The following DNAJC2 variants were observed in gnomAD, a reference collection of about 807,000 sequenced individuals.
DNAJC2 encodes dnaJ homolog subfamily C member 2.
DNAJC2 carries 32 observed loss-of-function variants against 94.0 expected under a neutral mutation model. The ratio of observed to expected loss-of-function variants is 0.34; its 90% CI spans 0.26 to 0.46. DNAJC2 has a LOEUF of 0.46. Ranked by LOEUF, DNAJC2 falls within the 20% of genes least tolerant of loss-of-function variation. The pLI, the probability that DNAJC2 is intolerant of heterozygous loss-of-function variation, is 1.00. For missense variants in DNAJC2, 550 were observed against 719.5 expected, an observed-to-expected ratio of 0.76 and a Z score of 2.69; for synonymous variants, 210 against 229.7, an observed-to-expected ratio of 0.91 and a Z score of 0.77.
chr7:103,338,994 A>G (rs1819281588), intron 2 of DNAJC2, among the ~76,000 whole-genome samples: 1 of 152,190 alleles, frequency 6.6e-6, no homozygotes, highest in East Asian at 1.9e-4. Flanking sequence ...GTATGCACAA[A>G]GGCCTAAGAA....
Position 103,322,082 on chromosome 7 carries a change from C to T in DNAJC2, c.934-1G>A, listed in dbSNP as rs1208838785. On this transcript the variant is annotated splice_acceptor_variant, in intron 9 of 16. Transcript: ENST00000379263. LOFTEE classifies it high-confidence loss of function. Reference sequence around the variant, plus strand: ...CAGCTTCTAATTCAGCTTGTCTTTGCTTTAAAAAAAGGGAGTAAAATCATT... The same window carrying T: ...CAGCTTCTAATTCAGCTTGTCTTTGTTTTAAAAAAAGGGAGTAAAATCATT... 1 of 1,593,774 alleles carries T rather than the reference C, an allele frequency of 6.3e-7. No homozygotes were observed. Among genetic ancestry groups the T allele is most frequent in the South Asian group, 1.2e-5 (1 of 86,430 alleles).
chr7:103,334,326 C>T (rs1424179804), intron 3 of DNAJC2, among the ~76,000 whole-genome samples: 1 of 151,648 alleles, frequency 6.6e-6, no homozygotes, highest in Non-Finnish European at 1.5e-5. Flanking sequence ...CTTTGGGAGA[C>T]TGAGGCAGGT....
rs1818782239 is a variant in DNAJC2 at position 103,327,733 on chromosome 7, T to C, written c.353A>G (p.His118Arg). Reference sequence around the variant, plus strand: ...AGCTGCTTTCCGTTTGTCTGGGTGATGTTTTAAAACCATTGCTTTATCTAC... The same window carrying C: ...AGCTGCTTTCCGTTTGTCTGGGTGACGTTTTAAAACCATTGCTTTATCTAC... ...KAAHKAMVLK[H>R]HPDKRKAAGE... The change falls in exon 4 of 17, where the codon CAT becomes CGT. Residue 118 changes from histidine (H) to arginine (R), a missense_variant. By Grantham distance (29) the His-to-Arg change is conservative. Coordinates refer to ENST00000379263, the MANE Select transcript of DNAJC2 (RefSeq NM_014377.3). 1 of 1,613,266 alleles carries C rather than the reference T, an allele frequency of 6.2e-7. No homozygotes were observed. Among genetic ancestry groups the C allele is most frequent in the Non-Finnish European group, 8.5e-7 (1 of 1,179,626 alleles).
intron 1 of DNAJC2, 43 bp from the exon 2 acceptor site, chr7:103,341,997 GA>G (rs1469224168): frequency 7.3e-7 from 1 of 1,375,904 alleles, no homozygotes; most frequent in Admixed American, 2.6e-5. Flanking sequence ...GTATCGCATG[GA>G]ATAAATATGT....
Position 103,337,733 on chromosome 7 carries a change from T to TA in DNAJC2, c.331+2dup. The TA allele has an allele frequency of 6.2e-7, 1 of 1,610,502 alleles. No homozygotes were observed. Among genetic ancestry groups the TA allele is most frequent in the South Asian group, 1.1e-5 (1 of 90,964 alleles). On this transcript the variant is annotated splice_region_variant and intron_variant, in intron 3 of 16. Coordinates refer to ENST00000379263, the MANE Select transcript of DNAJC2 (RefSeq NM_014377.3). ...GATTATTTCAAAATAACTAAGTACT[T>TA]ACGAGCTGCTTTGATCTGTCTCTGT...
At chr7:103,333,936 T>C (rs1001313275) in intron 3 of DNAJC2, among the ~76,000 whole-genome samples, 2 of 152,056 alleles carry the variant, frequency 1.3e-5, no homozygotes, top group Admixed American at 6.6e-5. Context: ...ACATTGTGAA[T>C]AGGCTGTTGT....
At position 103,341,652 on chromosome 7, in the gene DNAJC2, T is replaced by C. The variant is rs1031347742; in HGVS notation, c.255+112A>G. 21 of 871,480 alleles carry C rather than the reference T, an allele frequency of 2.4e-5. No individual in the cohort carries two copies. In the East Asian group the frequency reaches 4.4e-4, roughly 18 times the overall value. 54.0% of individuals were successfully genotyped at this position (871,480 alleles called of 1,614,324 possible). A position where few individuals can be genotyped will look rare whatever the true frequency, so the allele number is the denominator to read the frequency against. The stretch of plus-strand genomic sequence containing the variant: ...TTAGTAATAAACAGATGCTAAATCA[T>C]AGTTATCTTGCTGAATCATCTTAAA... On this transcript the variant is annotated intron_variant, in intron 2 of 16. Transcript: ENST00000379263.
chr7:103,313,934 CAGT>C (rs1817899991), intron 15 of DNAJC2: 1 of 985,290 alleles, frequency 1.0e-6, no homozygotes, highest in Non-Finnish European at 1.2e-6. Context: ...CTAATACTAC[CAGT>C]AGCCTGACTA....
intron 2 of DNAJC2, among the ~76,000 whole-genome samples, chr7:103,339,038 A>C (rs896313839): frequency 6.6e-6 from 1 of 152,246 alleles, no homozygotes; most frequent in Non-Finnish European, 1.5e-5. Flanking sequence ...AGATTTAAAA[A>C]ATAAACAAAC....
At chr7:103,328,922 T>G (rs930597652) in intron 3 of DNAJC2, 2 of 942,498 alleles carry the variant, frequency 2.1e-6, no homozygotes, top group African/African-American at 3.5e-5. Flanking sequence ...TAGGATTCTT[T>G]CTTCTTAGGA....
chr7:103,340,278 T>C (rs1819327925), intron 2 of DNAJC2, among the ~76,000 whole-genome samples: 1 of 152,248 alleles, frequency 6.6e-6, no homozygotes, highest in African/African-American at 2.4e-5. Context: ...TTCTGCTGTT[T>C]TTCCTCCTCT....
chr7:103,320,081 T>C (rs1376841692), intron 10 of DNAJC2, among the ~76,000 whole-genome samples: 11 of 152,138 alleles, frequency 7.2e-5, no homozygotes, highest in Admixed American at 6.5e-4. Context: ...TATCTCAGTG[T>C]AAATGTTTTT....
chr7:103,330,902 G>A (rs928167679), intron 3 of DNAJC2, among the ~76,000 whole-genome samples: 3 of 151,606 alleles, frequency 2.0e-5, no homozygotes, highest in African/African-American at 7.3e-5. Context: ...CATGATACAA[G>A]TATCTGTACA....
At chr7:103,336,289 T>C (rs1563472654) in intron 3 of DNAJC2, 1 of 152,246 alleles carries the variant, frequency 6.6e-6, no homozygotes, top group East Asian at 1.9e-4. Context: ...CACAGTTCTA[T>C]TATCAATTCT....
At chr7:103,322,465 G>C in intron 9 of DNAJC2, 46 bp downstream of exon 9, 1 of 1,392,406 alleles carries the variant, frequency 7.2e-7, no homozygotes. Context: ...GAAGATTAAA[G>C]ATTTCATAAA....
chr7:103,320,525 C>T (rs935247577), intron 10 of DNAJC2, among the ~76,000 whole-genome samples: 3 of 151,792 alleles, frequency 2.0e-5, no homozygotes, highest in African/African-American at 7.3e-5. Context: ...CTTTGGGAGG[C>T]CGAGGCAGGC....
At chr7:103,338,312 T>A (rs1052536386) in intron 2 of DNAJC2, among the ~76,000 whole-genome samples, 1 of 151,186 alleles carries the variant, frequency 6.6e-6, no homozygotes, top group African/African-American at 2.4e-5. Context: ...ATTTTATTTT[T>A]TTGAGACGGA....
In DNAJC2 at chr7:103,341,839, G is replaced by C. The variant is rs371816384; in HGVS notation, c.180C>G (p.Ser60=). 1.2e-6 allele frequency: 2 copies of C among 1,611,794 alleles called. No individual in the cohort carries two copies. The highest frequency in any genetic ancestry group is 1.7e-6 in the Non-Finnish European group (2 of 1,179,346). Residue 60 remains serine, a synonymous_variant, in exon 2 of 17, where the codon TCC becomes TCG. Coordinates refer to ENST00000379263, the MANE Select transcript of DNAJC2 (RefSeq NM_014377.3). ...GCAATTCTTCATCTTCTGATTCCTC[G>C]GATAACTCTTTCTTATCCTCCAGTT... ...FQELEDKKEL[S]EESEDEELQL...
intron 13 of DNAJC2, 92 bp downstream of exon 13, chr7:103,316,738 T>G (rs1266690766): frequency 9.2e-7 from 1 of 1,083,298 alleles, no homozygotes; most frequent in Non-Finnish European, 1.3e-6. Flanking sequence ...CTCTGCAAGT[T>G]TCTGTGATAA....
Sources: gnomAD v4.1 joint callset for allele counts (sites outside exome capture counted in the v4.1 genomes callset) on GRCh38, gnomAD v4.1.1 for gene constraint, MANE v1.5 for transcripts, NCBI Gene and HGNC (gene_info 2026-07-23, HGNC 2026-07-21) for gene names.